LGR5: variants seen among roughly 807,000 people sequenced by gnomAD.
LGR5 encodes leucine rich repeat containing G protein-coupled receptor 5.
A neutral mutation model predicts 76.7 loss-of-function variants in LGR5; 54 were observed. That is an observed-to-expected ratio of 0.70 (90% CI 0.57 to 0.88). LGR5 has a LOEUF of 0.88. LGR5 is among the 40% of genes least tolerant of loss of function. LGR5 has a pLI of 0.00. For synonymous variants in LGR5, 406 were observed against 421.9 expected (o/e 0.96, Z 0.46); for missense variants, 1,078 against 1,073.3 (o/e 1.00, Z -0.06).
Position 71,445,572 on chromosome 12 carries a change from A to C in LGR5, c.212+5280A>C, listed in dbSNP as rs1407298543. Among the ~76,000 whole-genome samples, 6 of 152,252 alleles carry C rather than the reference A, an allele frequency of 3.9e-5. No homozygotes were observed. The East Asian group carries it at 1.2e-3, about 29-fold the overall frequency. On this transcript the variant is annotated intron_variant, in intron 1 of 17. Transcript: ENST00000266674. ...AGTCTATAATGTGGAATTTTTAATTAAATTCTCATAATTCAAAACTGATTT... is the reference window on the plus strand; with the variant it reads ...AGTCTATAATGTGGAATTTTTAATTCAATTCTCATAATTCAAAACTGATTT...
intron 7 of LGR5, 77 bp from the exon 8 acceptor site, chr12:71,561,704 C>A: frequency 1.4e-6 from 1 of 708,536 alleles, no homozygotes; most frequent in Non-Finnish European, 2.3e-6. Flanking sequence ...ATTATTGCCA[C>A]TGTGGTCAGG....
At chr12:71,559,871 TA>T (rs957961253) in intron 7 of LGR5, among the ~76,000 whole-genome samples, 16 of 152,156 alleles carry the variant, frequency 1.1e-4, no homozygotes, top group Non-Finnish European at 2.9e-5. Flanking sequence ...ACATATATAT[TA>T]AAAAAACATA....
chr12:71,575,739 T>C (rs977820522), intron 13 of LGR5, among the ~76,000 whole-genome samples: 8 of 151,906 alleles, frequency 5.3e-5, no homozygotes, highest in African/African-American at 1.9e-4. Context: ...TGTGTGTGTG[T>C]GTGTGTGTGT....
intron 12 of LGR5, among the ~76,000 whole-genome samples, chr12:71,572,380 C>A (rs568951524): frequency 6.6e-6 from 1 of 152,192 alleles, no homozygotes; most frequent in Non-Finnish European, 1.5e-5. Flanking sequence ...CCGCGCCCGG[C>A]CAAACTTGTT....
intron 1 of LGR5, among the ~76,000 whole-genome samples, chr12:71,494,680 T>C (rs918725084): frequency 1.3e-5 from 2 of 151,158 alleles, no homozygotes; most frequent in Non-Finnish European, 2.9e-5. Context: ...CCCAGGCTCC[T>C]TAGATATTGA....
intron 1 of LGR5, 128 bp from the exon 2 acceptor site, chr12:71,504,486 C>A: frequency 1.3e-6 from 1 of 772,610 alleles, no homozygotes; most frequent in Non-Finnish European, 2.4e-6. Context: ...TGTAGAATAG[C>A]AATTCATTTG....
chr12:71,518,058 CT>C (rs1440584141), intron 2 of LGR5, among the ~76,000 whole-genome samples: 1 of 152,172 alleles, frequency 6.6e-6, no homozygotes, highest in Non-Finnish European at 1.5e-5. Flanking sequence ...TCTTGACCCC[CT>C]GGTCTATTCT....
At chr12:71,535,746 A>G (rs1876552062) in intron 4 of LGR5, among the ~76,000 whole-genome samples, 1 of 152,108 alleles carries the variant, frequency 6.6e-6, no homozygotes, top group South Asian at 2.1e-4. Context: ...GCCATAAACA[A>G]TCCCACAGAT....
At chr12:71,532,747 A>G (rs1876383555) in intron 3 of LGR5, among the ~76,000 whole-genome samples, 1 of 152,142 alleles carries the variant, frequency 6.6e-6, no homozygotes, top group Non-Finnish European at 1.5e-5. Context: ...CTAAAAGCTT[A>G]GGTCTTGTCT....
chr12:71,490,822 G>A (rs747553261), intron 1 of LGR5, among the ~76,000 whole-genome samples: 10 of 152,166 alleles, frequency 6.6e-5, no homozygotes, highest in Admixed American at 1.3e-4. Flanking sequence ...TAAAGCTGAA[G>A]GCTGTTGTAA....
At chr12:71,520,272 A>T (rs894933777) in intron 2 of LGR5, among the ~76,000 whole-genome samples, 7 of 152,248 alleles carry the variant, frequency 4.6e-5, no homozygotes, top group Middle Eastern at 3.2e-3. Flanking sequence ...CACTGAAAAT[A>T]TTATGCTTAG....
chr12:71,439,916 TCTC>T lies in LGR5; in HGVS notation c.-161_-159del. The T allele has an allele frequency of 1.6e-6, 1 of 607,590 alleles. No homozygotes were observed. Among genetic ancestry groups the T allele is most frequent in the Non-Finnish European group, 2.7e-6 (1 of 365,058 alleles). 37.6% of individuals were successfully genotyped at this position (607,590 alleles called of 1,614,324 possible). A position where few individuals can be genotyped will look rare whatever the true frequency, so the allele number is the denominator to read the frequency against. The stretch of plus-strand genomic sequence containing the variant: ...CCGGCACCTCTGTCCCCGCCGCGCT[TCTC>T]CTCGCCGCCCACGCCGTGGGGTCAG... On this transcript the variant is annotated 5_prime_UTR_variant, in exon 1 of 18. Coordinates refer to ENST00000266674, the MANE Select transcript of LGR5 (RefSeq NM_003667.4).
chr12:71,495,683 C>T lies in LGR5; in HGVS notation c.213-8931C>T, dbSNP rs558458891. On this transcript the variant is annotated intron_variant, in intron 1 of 17. Coordinates refer to ENST00000266674, the MANE Select transcript of LGR5 (RefSeq NM_003667.4). Reference sequence around the variant, plus strand: ...ATGTTAAATAACTTCCTCAAGGTTACTCAACTCTGAAATATCAAGGCCAGG... The same window carrying T: ...ATGTTAAATAACTTCCTCAAGGTTATTCAACTCTGAAATATCAAGGCCAGG... Among the ~76,000 whole-genome samples the T allele has an allele frequency of 2.0e-5, 3 of 151,276 alleles. No homozygotes were observed. In the East Asian group the frequency reaches 5.8e-4, roughly 29 times the overall value.
chr12:71,443,576 A>G (rs1871858007), intron 1 of LGR5, among the ~76,000 whole-genome samples: 1 of 152,238 alleles, frequency 6.6e-6, no homozygotes, highest in Non-Finnish European at 1.5e-5. Context: ...ATTTAATACC[A>G]GTTGTGATCT....
intron 2 of LGR5, among the ~76,000 whole-genome samples, chr12:71,520,854 C>A (rs2137334766): frequency 6.6e-6 from 1 of 152,176 alleles, no homozygotes; most frequent in Middle Eastern, 3.4e-3. Flanking sequence ...TACCCCAGAA[C>A]TTAAAGTATA....
At chr12:71,494,088 C>A (rs1159633506) in intron 1 of LGR5, among the ~76,000 whole-genome samples, 1 of 150,274 alleles carries the variant, frequency 6.7e-6, no homozygotes, top group East Asian at 1.9e-4. Context: ...GGACTACAGG[C>A]ACCTGCCACC....
At chr12:71,551,208 A>T (rs374841379) in intron 4 of LGR5, among the ~76,000 whole-genome samples, 3 of 152,242 alleles carry the variant, frequency 2.0e-5, no homozygotes, top group African/African-American at 7.2e-5. Flanking sequence ...CCTTTGAGGC[A>T]TCGCTTGTTC....
intron 10 of LGR5, 57 bp from the exon 11 acceptor site, chr12:71,566,784 A>C (rs1878368392): frequency 1.3e-6 from 2 of 1,583,048 alleles, no homozygotes; most frequent in African/African-American, 1.3e-5. Context: ...GTGAGTCAAA[A>C]TATGTCACTG....
intron 1 of LGR5, among the ~76,000 whole-genome samples, chr12:71,450,449 G>A (rs1361942053): frequency 1.3e-5 from 2 of 152,116 alleles, no homozygotes; most frequent in Non-Finnish European, 2.9e-5. Context: ...TTCCCCAAAT[G>A]TCTGTTCATA....
Sources: gnomAD v4.1 joint callset for allele counts (sites outside exome capture counted in the v4.1 genomes callset) on GRCh38, gnomAD v4.1.1 for gene constraint, MANE v1.5 for transcripts, NCBI Gene and HGNC (gene_info 2026-07-23, HGNC 2026-07-21) for gene names.